Variants in CNTNAP5 observed in about 807,000 individuals in gnomAD.
The protein encoded by CNTNAP5 is contactin associated protein family member 5.
In CNTNAP5, 72 loss-of-function variants were observed where a neutral mutation model predicts 150.2. The ratio of observed to expected loss-of-function variants is 0.48; its 90% CI spans 0.40 to 0.58. CNTNAP5 has a LOEUF of 0.58. Among genes scored for constraint, CNTNAP5 ranks in the 20% least tolerant of loss-of-function variants. The probability of loss-of-function intolerance (pLI) is 0.00; values close to 1 mark genes in which losing one functional copy is unlikely to be tolerated. For synonymous variants in CNTNAP5, 672 were observed against 619.8 expected (o/e 1.08, Z -1.25); for missense variants, 1,636 against 1,626.2 (o/e 1.01, Z -0.10).
chr2:124,071,655 C>G (rs1397114854), intron 1 of CNTNAP5, among the ~76,000 whole-genome samples: 1 of 151,600 alleles, frequency 6.6e-6, no homozygotes, highest in Non-Finnish European at 1.5e-5. Flanking sequence ...CAAGATTGAA[C>G]CATGAAGGAA....
At chr2:124,130,671 A>G (rs1191660705) in intron 1 of CNTNAP5, among the ~76,000 whole-genome samples, 1 of 152,080 alleles carries the variant, frequency 6.6e-6, no homozygotes, top group Non-Finnish European at 1.5e-5. Flanking sequence ...TAGCTCTTCC[A>G]ACACTAACTG....
At chr2:124,741,589 CAT>C (rs201750198) in intron 13 of CNTNAP5, among the ~76,000 whole-genome samples, 2,702 of 152,188 alleles carry the variant, frequency 0.018, 35 homozygotes, top group Middle Eastern at 0.031. Flanking sequence ...TTCTATAAAA[CAT>C]ATATATTTTC....
intron 19 of CNTNAP5, among the ~76,000 whole-genome samples, chr2:124,860,304 A>G (rs1406188606): frequency 1.3e-5 from 2 of 151,870 alleles, no homozygotes; most frequent in Admixed American, 6.6e-5. Flanking sequence ...GAGCCGAGAT[A>G]GTGCCATTGC....
intron 3 of CNTNAP5, among the ~76,000 whole-genome samples, chr2:124,260,119 A>T (rs1050015764): frequency 2.0e-5 from 3 of 152,222 alleles, no homozygotes; most frequent in African/African-American, 4.8e-5. Flanking sequence ...TTCAAACTAT[A>T]TTACAAGGCT....
At chr2:124,848,630 G>T (rs1573658561) in intron 19 of CNTNAP5, among the ~76,000 whole-genome samples, 1 of 152,084 alleles carries the variant, frequency 6.6e-6, no homozygotes, top group Non-Finnish European at 1.5e-5. Context: ...GTGTACAAGG[G>T]TTCGCTTTTC....
At chr2:124,292,987 A>G (rs1178848716) in intron 3 of CNTNAP5, among the ~76,000 whole-genome samples, 1 of 152,098 alleles carries the variant, frequency 6.6e-6, no homozygotes, top group Non-Finnish European at 1.5e-5. Flanking sequence ...TAGTAGAGAC[A>G]GAGCTAAAGT....
intron 1 of CNTNAP5, among the ~76,000 whole-genome samples, chr2:124,154,691 C>A (rs986525972): frequency 6.6e-6 from 1 of 152,134 alleles, no homozygotes; most frequent in South Asian, 2.1e-4. Flanking sequence ...CAGCTCAGAG[C>A]AGATCAGGCC....
chr2:124,220,434 CT>C (rs1686274947), intron 1 of CNTNAP5, among the ~76,000 whole-genome samples: 1 of 152,052 alleles, frequency 6.6e-6, no homozygotes, highest in African/African-American at 2.4e-5. Flanking sequence ...TTCAACAAAC[CT>C]TTATCAAAGG....
At position 124,343,487 on chromosome 2, in the gene CNTNAP5, AG is replaced by A. The variant is rs1689667056; in HGVS notation, c.382-73951del. Among the ~76,000 whole-genome samples the A allele has an allele frequency of 2.6e-5, 4 of 152,244 alleles. No individual in the cohort carries two copies. The Middle Eastern group carries it at 0.014, about 518-fold the overall frequency. Reference sequence around the variant, plus strand: ...TCGAAGTACTTTTATTTTGATTCTTAGGGGGTTTGTCAAATATCAAAGGTTT... The same window carrying A: ...TCGAAGTACTTTTATTTTGATTCTTAGGGGTTTGTCAAATATCAAAGGTTT... On this transcript the variant is annotated intron_variant, in intron 3 of 23. Transcript: ENST00000682447.
chr2:124,311,137 C>T (rs767897188), intron 3 of CNTNAP5, among the ~76,000 whole-genome samples: 1 of 152,134 alleles, frequency 6.6e-6, no homozygotes, highest in Non-Finnish European at 1.5e-5. Flanking sequence ...TCATTTTTTT[C>T]TTAGATTGTA....
chr2:124,686,038 C>CG (rs1679187237), intron 13 of CNTNAP5, among the ~76,000 whole-genome samples: 1 of 151,918 alleles, frequency 6.6e-6, no homozygotes, highest in Non-Finnish European at 1.5e-5. Flanking sequence ...AGAATTTAAC[C>CG]CTTGGCCCAT....
intron 3 of CNTNAP5, among the ~76,000 whole-genome samples, chr2:124,351,360 A>G (rs1289623238): frequency 6.6e-6 from 1 of 152,166 alleles, no homozygotes; most frequent in African/African-American, 2.4e-5. Context: ...CTGTGACTAT[A>G]CATCCTGGCT....
intron 13 of CNTNAP5, among the ~76,000 whole-genome samples, chr2:124,746,546 CT>C (rs1275897584): frequency 6.6e-6 from 1 of 151,990 alleles, no homozygotes; most frequent in Non-Finnish European, 1.5e-5. Flanking sequence ...CTAATGATGT[CT>C]TTTTAAAAAA....
At chr2:124,231,638 G>T (rs1420765185) in intron 2 of CNTNAP5, among the ~76,000 whole-genome samples, 1 of 152,096 alleles carries the variant, frequency 6.6e-6, no homozygotes, top group Non-Finnish European at 1.5e-5. Context: ...CCTTTTGAAT[G>T]CCCCTAAAAT....
intron 4 of CNTNAP5, among the ~76,000 whole-genome samples, chr2:124,421,449 G>T (rs1354297706): frequency 3.9e-5 from 6 of 152,064 alleles, no homozygotes; most frequent in Non-Finnish European, 8.8e-5. Flanking sequence ...CAAGTCCTGC[G>T]CAACTTATCT....
intron 19 of CNTNAP5, among the ~76,000 whole-genome samples, chr2:124,820,720 A>G (rs932740686): frequency 2.6e-5 from 4 of 152,144 alleles, no homozygotes; most frequent in Non-Finnish European, 4.4e-5. Context: ...TATGCGCATT[A>G]TCTCTTTGGA....
At chr2:124,320,678 A>G (rs1335366999) in intron 3 of CNTNAP5, among the ~76,000 whole-genome samples, 1 of 149,358 alleles carries the variant, frequency 6.7e-6, no homozygotes, top group Non-Finnish European at 1.5e-5. Flanking sequence ...GCATTCAAGG[A>G]AAAAAAAAAT....
chr2:124,209,606 C>T (rs983206288), intron 1 of CNTNAP5, among the ~76,000 whole-genome samples: 1 of 152,124 alleles, frequency 6.6e-6, no homozygotes, highest in Non-Finnish European at 1.5e-5. Context: ...TTAAGACTGT[C>T]CTCCCCTTAT....
At chr2:124,543,545 G>A in intron 10 of CNTNAP5, among the ~76,000 whole-genome samples, 1 of 152,154 alleles carries the variant, frequency 6.6e-6, no homozygotes, top group East Asian at 1.9e-4. Flanking sequence ...GAAGGATGCT[G>A]ATGTGTCTGT....
Sources: allele counts gnomAD v4.1 joint callset (sites outside exome capture counted in the v4.1 genomes callset), GRCh38; gene constraint gnomAD v4.1.1; transcripts MANE v1.5; gene names NCBI Gene and HGNC (gene_info 2026-07-23, HGNC 2026-07-21).